Variants in USH2A observed in about 807,000 individuals in gnomAD.
USH2A encodes the protein Usher syndrome 2A (autosomal recessive, mild).
USH2A carries 443 observed loss-of-function variants against 538.9 expected under a neutral mutation model. The ratio of observed to expected loss-of-function variants is 0.82; its 90% CI spans 0.76 to 0.89. The LOEUF is 0.89. USH2A is among the 40% of genes least tolerant of loss of function. USH2A has a pLI of 0.00. For missense variants in USH2A, 6,633 were observed against 6,324.8 expected, an observed-to-expected ratio of 1.05 and a Z score of -1.65; for synonymous variants, 2,413 against 2,273.5, an observed-to-expected ratio of 1.06 and a Z score of -1.75.
chr1:216,149,334 A>G (rs1490903412), intron 21 of USH2A, among the ~76,000 whole-genome samples: 1 of 152,178 alleles, frequency 6.6e-6, no homozygotes, highest in African/African-American at 2.4e-5. Flanking sequence ...ACCTCTATAC[A>G]GTCTGATAAC....
intron 3 of USH2A, among the ~76,000 whole-genome samples, chr1:216,406,684 C>A (rs1010077537): frequency 6.6e-6 from 1 of 152,082 alleles, no homozygotes; most frequent in Admixed American, 6.6e-5. Flanking sequence ...TTATAATGGT[C>A]ACTAGTTTTC....
intron 13 of USH2A, among the ~76,000 whole-genome samples, chr1:216,236,478 C>T (rs1459420933): frequency 6.6e-6 from 1 of 152,074 alleles, no homozygotes; most frequent in Non-Finnish European, 1.5e-5. Flanking sequence ...CCAACATAGT[C>T]TCTGGTAATT....
At chr1:215,742,767 G>C (rs960054644) in intron 59 of USH2A, among the ~76,000 whole-genome samples, 1 of 152,004 alleles carries the variant, frequency 6.6e-6, no homozygotes, top group African/African-American at 2.4e-5. Flanking sequence ...GATTCATTTG[G>C]GTGTAATTCA....
intron 4 of USH2A, among the ~76,000 whole-genome samples, chr1:216,340,531 C>T (rs1333201182): frequency 9.4e-6 from 1 of 106,462 alleles, no homozygotes; most frequent in South Asian, 2.9e-4. Context: ...CTGGCAGAGA[C>T]ATGACAAAAA....
intron 4 of USH2A, among the ~76,000 whole-genome samples, chr1:216,341,703 C>A (rs1183842708): frequency 6.6e-6 from 1 of 152,078 alleles, no homozygotes; most frequent in Non-Finnish European, 1.5e-5. Context: ...ACTTCTACAA[C>A]CATCTGATCT....
At chr1:216,265,852 C>T (rs944008122) in intron 11 of USH2A, among the ~76,000 whole-genome samples, 1 of 151,852 alleles carries the variant, frequency 6.6e-6, no homozygotes. Context: ...ACCAGTTGAT[C>T]TCATGAAAGT....
chr1:216,271,029 C>A (rs1299678948), intron 11 of USH2A, among the ~76,000 whole-genome samples: 2 of 152,114 alleles, frequency 1.3e-5, no homozygotes, highest in Admixed American at 6.6e-5. Context: ...CAAGTACTAG[C>A]AATTCTAAAC....
At position 215,680,344 on chromosome 1, in the gene USH2A, T is replaced by G; in HGVS notation, c.12099A>C (p.Leu4033Phe). 1 of 1,614,072 alleles carries G rather than the reference T, an allele frequency of 6.2e-7. No homozygotes were observed. Among genetic ancestry groups the G allele is most frequent in the Non-Finnish European group, 8.5e-7 (1 of 1,179,984 alleles). Residue 4033 changes from leucine to phenylalanine, a missense_variant, in exon 62 of 72, where the codon TTA becomes TTC. Leu to Phe is a conservative substitution (Grantham distance 22). Transcript: ENST00000307340. ...CAATGCGATATGTTGTGAATGGTTCTAACCCGTACAGGTGGGCTTGATGGC... is the reference window on the plus strand; with the variant it reads ...CAATGCGATATGTTGTGAATGGTTCGAACCCGTACAGGTGGGCTTGATGGC... ...GTSHQAHLYG[L>F]EPFTTYRIGV...
intron 21 of USH2A, among the ~76,000 whole-genome samples, chr1:216,164,657 A>C (rs2034132388): frequency 6.6e-6 from 1 of 152,178 alleles, no homozygotes; most frequent in Non-Finnish European, 1.5e-5. Context: ...TAACAATGAC[A>C]ACAAAAAACA....
At chr1:215,961,806 T>C (rs1173418177) in intron 37 of USH2A, among the ~76,000 whole-genome samples, 2 of 151,910 alleles carry the variant, frequency 1.3e-5, no homozygotes, top group South Asian at 2.1e-4. Context: ...GAAAATTTTC[T>C]GGGAAGAAAA....
At chr1:215,716,897 G>C (rs889742227) in intron 61 of USH2A, among the ~76,000 whole-genome samples, 1 of 152,150 alleles carries the variant, frequency 6.6e-6, no homozygotes. Flanking sequence ...TCTTTGGTTG[G>C]CTTAATGGCA....
chr1:215,770,059 T>C (rs1394003410), intron 55 of USH2A, among the ~76,000 whole-genome samples: 1 of 152,210 alleles, frequency 6.6e-6, no homozygotes, highest in Non-Finnish European at 1.5e-5. Flanking sequence ...CAACTTCACA[T>C]CTGCCATATT....
chr1:215,929,675 C>A (rs148222069), intron 38 of USH2A, among the ~76,000 whole-genome samples: 341 of 152,148 alleles, frequency 2.2e-3, no homozygotes, highest in Non-Finnish European at 3.1e-3. Flanking sequence ...AAACACATTA[C>A]ATATAATATG....
intron 9 of USH2A, among the ~76,000 whole-genome samples, chr1:216,304,442 C>A (rs908816294): frequency 1.3e-5 from 2 of 151,930 alleles, no homozygotes; most frequent in Non-Finnish European, 2.9e-5. Flanking sequence ...GGTTTGACAG[C>A]AAATCTAGCA....
At chr1:215,747,028 T>C (rs895111062) in intron 58 of USH2A, among the ~76,000 whole-genome samples, 1 of 152,186 alleles carries the variant, frequency 6.6e-6, no homozygotes, top group African/African-American at 2.4e-5. Context: ...TGCTAGCCAA[T>C]TGTAGAGTTG....
At chr1:215,774,713 G>C (rs138783975) in intron 55 of USH2A, among the ~76,000 whole-genome samples, 2 of 151,990 alleles carry the variant, frequency 1.3e-5, no homozygotes, top group Non-Finnish European at 2.9e-5. Context: ...CAGAGGGAAG[G>C]GGGTGGCCAG....
intron 55 of USH2A, among the ~76,000 whole-genome samples, chr1:215,778,155 G>A (rs1661518469): frequency 6.6e-6 from 1 of 151,762 alleles, no homozygotes; most frequent in Admixed American, 6.6e-5. Context: ...AGGTTGGAGT[G>A]ATTCCCCTAC....
At chr1:215,853,803 A>G (rs1223720888) in intron 44 of USH2A, among the ~76,000 whole-genome samples, 2 of 152,164 alleles carry the variant, frequency 1.3e-5, no homozygotes, top group African/African-American at 4.8e-5. Flanking sequence ...CCAGTTCCCA[A>G]CAAATTCCTC....
intron 44 of USH2A, among the ~76,000 whole-genome samples, chr1:215,855,493 A>G (rs999686668): frequency 1.3e-5 from 2 of 152,202 alleles, no homozygotes; most frequent in Admixed American, 1.3e-4. Context: ...GCTGAAAGAA[A>G]CCATAGATGA....
Sources: gnomAD v4.1 joint callset for allele counts (sites outside exome capture counted in the v4.1 genomes callset) on GRCh38, gnomAD v4.1.1 for gene constraint, MANE v1.5 for transcripts, NCBI Gene and HGNC (gene_info 2026-07-23, HGNC 2026-07-21) for gene names.